CAST: variants seen among roughly 807,000 people sequenced by gnomAD.
The protein encoded by CAST is calpastatin, also known as MIR583 host.
In CAST, 76 loss-of-function variants were observed where a neutral mutation model predicts 119.6. That is an observed-to-expected ratio of 0.64 (90% confidence interval 0.53 to 0.77). The LOEUF is 0.77. Among genes scored for constraint, CAST ranks in the 30% least tolerant of loss-of-function variants. CAST has a pLI of 0.00. For synonymous variants in CAST, 319 were observed against 331.6 expected (o/e 0.96, Z 0.41); for missense variants, 953 against 946.5 (o/e 1.01, Z -0.09).
chr5:96,281,037 A>T, the CAST span, among the ~76,000 whole-genome samples: 1 of 152,262 alleles, frequency 6.6e-6, no homozygotes, highest in Non-Finnish European at 1.5e-5. Context: ...AATGTAATCC[A>T]GATGTCAGTT....
intron 1 of CAST, among the ~76,000 whole-genome samples, chr5:96,581,347 A>T (rs1443233774): frequency 2.6e-5 from 4 of 152,218 alleles, no homozygotes; most frequent in Non-Finnish European, 2.9e-5. Flanking sequence ...TAACAATGGG[A>T]TATTTTTTTC....
At chr5:96,733,235 G>T (rs1760937917) in intron 9 of CAST, among the ~76,000 whole-genome samples, 1 of 152,264 alleles carries the variant, frequency 6.6e-6, no homozygotes, top group Middle Eastern at 3.4e-3. Context: ...CTCACTCCAG[G>T]AAGACACAGC....
chr5:96,309,192 C>T, the CAST span, among the ~76,000 whole-genome samples: 3 of 152,096 alleles, frequency 2.0e-5, no homozygotes. Flanking sequence ...TCTGAGCTAC[C>T]TTGCTGAGCT....
chr5:96,731,480 T>G (rs1459536834), intron 9 of CAST, among the ~76,000 whole-genome samples: 1 of 151,484 alleles, frequency 6.6e-6, no homozygotes, highest in East Asian at 1.9e-4. Flanking sequence ...AAGGTTTTTT[T>G]TTTTTTTTTT....
At chr5:96,011,851 AT>A in the CAST span, among the ~76,000 whole-genome samples, 14 of 152,158 alleles carry the variant, frequency 9.2e-5, no homozygotes, top group African/African-American at 3.4e-4. Flanking sequence ...TAAATATTGA[AT>A]TATGCCAGGT....
At chr5:96,120,919 T>C in the CAST span, among the ~76,000 whole-genome samples, 1 of 151,918 alleles carries the variant, frequency 6.6e-6, no homozygotes, top group African/African-American at 2.4e-5. Flanking sequence ...TGGCTTACTC[T>C]CTCACCTCCA....
At chr5:96,613,224 T>C (rs116379532) in intron 1 of CAST, among the ~76,000 whole-genome samples, 92 of 152,346 alleles carry the variant, frequency 6.0e-4, no homozygotes, top group African/African-American at 2.2e-3. Context: ...AGTTCAGCAA[T>C]AAAAATCCAG....
the CAST span, among the ~76,000 whole-genome samples, chr5:96,490,961 G>A: frequency 4.6e-5 from 7 of 152,132 alleles, no homozygotes; most frequent in South Asian, 1.5e-3. Flanking sequence ...GTGGGAAATG[G>A]TATTTGCAAC....
At chr5:96,432,078 C>A in the CAST span, 10 of 1,528,596 alleles carry the variant, frequency 6.5e-6, no homozygotes, top group African/African-American at 1.4e-4. Context: ...AAAACGATTA[C>A]GTACTTGGCT....
the CAST span, among the ~76,000 whole-genome samples, chr5:96,123,442 A>C: frequency 6.6e-5 from 10 of 152,178 alleles, no homozygotes; most frequent in Non-Finnish European, 1.2e-4. Flanking sequence ...GTTGATTGAC[A>C]GGGTTAAAAC....
chr5:96,293,166 G>C, the CAST span, among the ~76,000 whole-genome samples: 1 of 152,230 alleles, frequency 6.6e-6, no homozygotes, highest in Admixed American at 6.5e-5. Flanking sequence ...GTACAAGGCA[G>C]CCCTGAGGGG....
intron 1 of CAST, among the ~76,000 whole-genome samples, chr5:96,635,424 G>A (rs1286768910): frequency 1.3e-5 from 2 of 152,184 alleles, no homozygotes; most frequent in South Asian, 2.1e-4. Context: ...AATTCGGGAT[G>A]TTTCATATAA....
At chr5:96,040,362 A>T in the CAST span, among the ~76,000 whole-genome samples, 1 of 152,046 alleles carries the variant, frequency 6.6e-6, no homozygotes, top group Non-Finnish European at 1.5e-5. Context: ...AATACCTTGT[A>T]TTGCTTTCTT....
At chr5:96,003,952 T>C in the CAST span, among the ~76,000 whole-genome samples, 1 of 152,194 alleles carries the variant, frequency 6.6e-6, no homozygotes, top group African/African-American at 2.4e-5. Context: ...TCATCTTTTT[T>C]TCATACTCAT....
At chr5:96,598,891 T>C (rs1747098462) in intron 1 of CAST, among the ~76,000 whole-genome samples, 1 of 152,196 alleles carries the variant, frequency 6.6e-6, no homozygotes, top group Non-Finnish European at 1.5e-5. Flanking sequence ...TGTTGTTGTT[T>C]TGCCTGCCTT....
At chr5:96,567,961 G>A (rs1407920023) in intron 1 of CAST, among the ~76,000 whole-genome samples, 1 of 152,100 alleles carries the variant, frequency 6.6e-6, no homozygotes. Flanking sequence ...GGGTGGCAGG[G>A]GAGGCAGGAT....
chr5:96,427,354 A>G, the CAST span, among the ~76,000 whole-genome samples: 1 of 152,190 alleles, frequency 6.6e-6, no homozygotes, highest in African/African-American at 2.4e-5. Flanking sequence ...AATGGTATAG[A>G]GGAAAATTGG....
At chr5:95,996,339 G>A in the CAST span, among the ~76,000 whole-genome samples, 233 of 152,234 alleles carry the variant, frequency 1.5e-3, no homozygotes, top group African/African-American at 5.4e-3. Flanking sequence ...TCAAGCTGTC[G>A]CTGCAAGGCC....
chr5:96,378,747 T>C, the CAST span, among the ~76,000 whole-genome samples: 2 of 152,162 alleles, frequency 1.3e-5, no homozygotes, highest in Admixed American at 6.5e-5. Flanking sequence ...ATACTCTTAT[T>C]TATGAGTGTC....
Sources: allele counts gnomAD v4.1 joint callset (sites outside exome capture counted in the v4.1 genomes callset), GRCh38; gene constraint gnomAD v4.1.1; transcripts MANE v1.5; gene names NCBI Gene and HGNC (gene_info 2026-07-23, HGNC 2026-07-21).